The following SCHIP1 variants were observed in gnomAD, a reference collection of about 807,000 sequenced individuals.
SCHIP1 encodes schwannomin-interacting protein 1.
In SCHIP1, 8 loss-of-function variants were observed where a neutral mutation model predicts 29.7. The observed-to-expected ratio is 0.27, with a 90% CI of 0.16 to 0.49. SCHIP1 has a LOEUF of 0.49. SCHIP1 is among the 20% of genes least tolerant of loss of function. The pLI is 0.99. For synonymous variants in SCHIP1, 76 were observed against 94.9 expected (o/e 0.80, Z 1.16); for missense variants, 193 against 294.6 (o/e 0.66, Z 2.52).
At chr3:159,397,140 C>G in the SCHIP1 span, among the ~76,000 whole-genome samples, 5 of 151,692 alleles carry the variant, frequency 3.3e-5, no homozygotes, top group East Asian at 7.8e-4. Flanking sequence ...GCATTCTTCA[C>G]GTAGTTCTCG....
the SCHIP1 span, among the ~76,000 whole-genome samples, chr3:159,464,042 T>C: frequency 1.3e-5 from 2 of 152,204 alleles, no homozygotes; most frequent in Non-Finnish European, 2.9e-5. Context: ...TCTAACTCTA[T>C]GTCTGTTCAC....
the SCHIP1 span, among the ~76,000 whole-genome samples, chr3:159,678,832 T>C: frequency 2.6e-5 from 4 of 152,090 alleles, no homozygotes; most frequent in African/African-American, 7.2e-5. Flanking sequence ...ACAGAATGAG[T>C]ATAAGGAAAG....
chr3:159,493,166 A>T, the SCHIP1 span, among the ~76,000 whole-genome samples: 1 of 152,246 alleles, frequency 6.6e-6, no homozygotes, highest in African/African-American at 2.4e-5. Flanking sequence ...TGTAAAGACC[A>T]TCAAGGCTAG....
the SCHIP1 span, among the ~76,000 whole-genome samples, chr3:159,506,428 C>T: frequency 6.6e-6 from 1 of 152,186 alleles, no homozygotes; most frequent in African/African-American, 2.4e-5. Flanking sequence ...CCTGTTCACT[C>T]TGATGGTAGT....
At chr3:159,752,712 G>A in the SCHIP1 span, among the ~76,000 whole-genome samples, 1 of 152,110 alleles carries the variant, frequency 6.6e-6, no homozygotes, top group Admixed American at 6.5e-5. Context: ...AGGGGATGGT[G>A]CTAATCCATT....
At chr3:159,452,645 T>G in the SCHIP1 span, among the ~76,000 whole-genome samples, 28 of 152,232 alleles carry the variant, frequency 1.8e-4, no homozygotes, top group Non-Finnish European at 4.0e-4. Flanking sequence ...GAATGGTTTA[T>G]AATCCTTTGA....
the SCHIP1 span, among the ~76,000 whole-genome samples, chr3:159,314,756 C>T: frequency 2.0e-4 from 30 of 152,266 alleles, no homozygotes; most frequent in South Asian, 3.1e-3. Flanking sequence ...TTTCTAGTTA[C>T]GAGCAATAGT....
At chr3:159,847,897 GA>G (rs1712056291) in intron 1 of SCHIP1, among the ~76,000 whole-genome samples, 1 of 152,050 alleles carries the variant, frequency 6.6e-6, no homozygotes. Flanking sequence ...TTGCACAGAA[GA>G]AAAAAATTAT....
chr3:159,566,239 G>C, the SCHIP1 span, among the ~76,000 whole-genome samples: 1 of 152,162 alleles, frequency 6.6e-6, no homozygotes, highest in Non-Finnish European at 1.5e-5. Context: ...TTTCCTCTCA[G>C]TGCACAAATA....
At chr3:159,682,753 T>C in the SCHIP1 span, among the ~76,000 whole-genome samples, 1 of 152,206 alleles carries the variant, frequency 6.6e-6, no homozygotes, top group Non-Finnish European at 1.5e-5. Flanking sequence ...CTAGAAATAA[T>C]AAAATTTTAT....
At chr3:159,694,596 G>T in the SCHIP1 span, among the ~76,000 whole-genome samples, 6 of 137,006 alleles carry the variant, frequency 4.4e-5, no homozygotes, top group African/African-American at 1.6e-4. Flanking sequence ...AAGAAAGAAA[G>T]AAAGAAAGAA....
the SCHIP1 span, among the ~76,000 whole-genome samples, chr3:159,746,551 A>AG: frequency 8.3e-6 from 1 of 120,328 alleles, no homozygotes; most frequent in South Asian, 2.4e-4. Context: ...TATAAAATTT[A>AG]GTTTTTTTTC....
the SCHIP1 span, among the ~76,000 whole-genome samples, chr3:159,795,010 G>A: frequency 2.0e-5 from 3 of 152,130 alleles, no homozygotes; most frequent in Admixed American, 6.5e-5. Flanking sequence ...AAGAAGTGTC[G>A]CGTTTGGTAG....
At chr3:159,635,187 T>C in the SCHIP1 span, among the ~76,000 whole-genome samples, 1 of 152,202 alleles carries the variant, frequency 6.6e-6, no homozygotes, top group Non-Finnish European at 1.5e-5. Context: ...CTTTGTATCA[T>C]TTATCTATGA....
chr3:159,675,058 G>T, the SCHIP1 span, among the ~76,000 whole-genome samples: 1 of 152,226 alleles, frequency 6.6e-6, no homozygotes, highest in South Asian at 2.1e-4. Flanking sequence ...CTGTGCTTCA[G>T]AGTCAAGCTT....
the SCHIP1 span, among the ~76,000 whole-genome samples, chr3:159,762,392 C>T: frequency 6.6e-6 from 1 of 152,142 alleles, no homozygotes; most frequent in Non-Finnish European, 1.5e-5. Context: ...CAAAAAGGAT[C>T]TCAGCACCAC....
the SCHIP1 span, among the ~76,000 whole-genome samples, chr3:159,340,555 TA>T: frequency 6.6e-6 from 1 of 152,176 alleles, no homozygotes; most frequent in Non-Finnish European, 1.5e-5. Context: ...CTTTTATGCA[TA>T]AAAATTACAA....
At chr3:159,588,102 C>T in the SCHIP1 span, among the ~76,000 whole-genome samples, 4 of 152,104 alleles carry the variant, frequency 2.6e-5, no homozygotes, top group Non-Finnish European at 5.9e-5. Flanking sequence ...AGAAGTGTTC[C>T]TATTTCTCCA....
chr3:159,744,463 A>T, the SCHIP1 span, among the ~76,000 whole-genome samples: 1 of 152,326 alleles, frequency 6.6e-6, no homozygotes, highest in South Asian at 2.1e-4. Context: ...GACTAGAAAA[A>T]ATTCTGTAGG....
Sources: allele counts gnomAD v4.1 joint callset (sites outside exome capture counted in the v4.1 genomes callset), GRCh38; gene constraint gnomAD v4.1.1; transcripts MANE v1.5; gene names NCBI Gene and HGNC (gene_info 2026-07-23, HGNC 2026-07-21).